Variants in ADAM19 observed in about 807,000 individuals in gnomAD.
ADAM19 encodes the protein disintegrin and metalloproteinase domain-containing protein 19.
In ADAM19, 65 loss-of-function variants were observed where a neutral mutation model predicts 114.7. The observed-to-expected ratio is 0.57, with a 90% CI of 0.46 to 0.70. The LOEUF is 0.70. ADAM19 is among the 30% of genes least tolerant of loss of function. ADAM19 has a pLI of 0.00. For missense variants in ADAM19, 1,063 were observed against 1,204.7 expected, an observed-to-expected ratio of 0.88 and a Z score of 1.74; for synonymous variants, 466 against 460.5, an observed-to-expected ratio of 1.01 and a Z score of -0.15.
At chr5:157,544,151 C>G (rs1165537654) in intron 3 of ADAM19, among the ~76,000 whole-genome samples, 1 of 152,156 alleles carries the variant, frequency 6.6e-6, no homozygotes, top group African/African-American at 2.4e-5. Flanking sequence ...TTGGAGGTTG[C>G]TCCTAGAGTA....
At chr5:157,488,565 C>T in intron 20 of ADAM19, 76 bp from the exon 21 acceptor site, 7 of 1,224,474 alleles carry the variant, frequency 5.7e-6, no homozygotes, top group Non-Finnish European at 7.9e-6. Flanking sequence ...TTGAGATAAA[C>T]CAGAGCCCAA....
At chr5:157,539,146 T>C (rs1756846150) in intron 3 of ADAM19, among the ~76,000 whole-genome samples, 1 of 141,406 alleles carries the variant, frequency 7.1e-6, no homozygotes, top group East Asian at 2.0e-4. Flanking sequence ...AGAGCGAGAC[T>C]CTGTCTCAAA....
chr5:157,479,287 A>C lies in ADAM19; in HGVS notation c.*1662T>G. 1.0e-6 allele frequency: 1 copy of C among 985,944 alleles called. No homozygotes were observed. Among genetic ancestry groups the C allele is most frequent in the Non-Finnish European group, 1.2e-6 (1 of 829,986 alleles). 61.1% of individuals were successfully genotyped at this position (985,944 alleles called of 1,614,324 possible). ...TTTCCAAACCCAAGAACATCCAAGA[A>C]GCACCTATTGTGTGCAGAGAACTAT... is the stretch of plus-strand genomic sequence containing the variant. On this transcript the variant is annotated 3_prime_UTR_variant, in exon 23 of 23. Transcript: ENST00000257527.
At chr5:157,565,275 A>G (rs1036346642) in intron 2 of ADAM19, among the ~76,000 whole-genome samples, 2 of 152,196 alleles carry the variant, frequency 1.3e-5, no homozygotes, top group Non-Finnish European at 2.9e-5. Flanking sequence ...ACCTTGAAAA[A>G]AATCAAAGTG....
intron 7 of ADAM19, among the ~76,000 whole-genome samples, chr5:157,514,095 C>T (rs1332226294): frequency 1.3e-5 from 2 of 152,166 alleles, no homozygotes; most frequent in Non-Finnish European, 2.9e-5. Flanking sequence ...GAGTGACAGA[C>T]CCTGTACTTA....
chr5:157,531,472 C>T (rs1035638781), intron 4 of ADAM19, among the ~76,000 whole-genome samples: 2 of 151,978 alleles, frequency 1.3e-5, no homozygotes, highest in African/African-American at 4.8e-5. Flanking sequence ...TTCCAGACCG[C>T]CCTGGCCAAC....
intron 19 of ADAM19, 58 bp from the exon 20 acceptor site, chr5:157,489,244 G>C: frequency 7.8e-7 from 1 of 1,284,794 alleles, no homozygotes; most frequent in Non-Finnish European, 1.1e-6. Flanking sequence ...AGGGGACAGT[G>C]CCTGAGTTCC....
chr5:157,517,669 G>A (rs756724442), intron 7 of ADAM19, among the ~76,000 whole-genome samples: 3 of 152,162 alleles, frequency 2.0e-5, no homozygotes, highest in African/African-American at 4.8e-5. Flanking sequence ...CAAACTCTGC[G>A]ATGCCTGGGG....
At chr5:157,504,992 G>A (rs929994796) in intron 11 of ADAM19, among the ~76,000 whole-genome samples, 6 of 151,732 alleles carry the variant, frequency 4.0e-5, no homozygotes, top group African/African-American at 9.7e-5. Flanking sequence ...GGTGGCAGGC[G>A]CCTGTATTCC....
intron 9 of ADAM19, among the ~76,000 whole-genome samples, chr5:157,508,734 G>A (rs1755822854): frequency 6.6e-6 from 1 of 152,104 alleles, no homozygotes; most frequent in African/African-American, 2.4e-5. Flanking sequence ...TGTCACATGT[G>A]ACCCCCATCA....
In ADAM19 at chr5:157,481,007, GA is replaced by G. The variant is rs1167883202; in HGVS notation, c.2704-6del. 6.2e-7 allele frequency: 1 copy of G among 1,613,984 alleles called. No homozygotes were observed. Among genetic ancestry groups the G allele is most frequent in the African/African-American group, 1.3e-5 (1 of 74,896 alleles). On this transcript the variant is annotated splice_region_variant and splice_polypyrimidine_tract_variant and intron_variant, in intron 22 of 22. Transcript: ENST00000257527. ...CTGTGATCTGTATTCTGGAAACTGG[GA>G]AGAAAAAGAAGGGAGGGAGAGAGAC...
In ADAM19 at chr5:157,489,206, G is replaced by A; in HGVS notation, c.2241-20C>T. 2.5e-6 allele frequency: 4 copies of A among 1,588,282 alleles called. No homozygotes were observed. Among genetic ancestry groups the A allele is most frequent in the Non-Finnish European group, 2.6e-6 (3 of 1,156,844 alleles). On this transcript the variant is annotated intron_variant, in intron 19 of 22. Coordinates refer to ENST00000257527, the MANE Select transcript of ADAM19 (RefSeq NM_033274.5). ...GGACAACTAGAAACAAGAAATGGGG[G>A]AGGAAAAGAAAGGGGACGATGTTCA...
At chr5:157,506,095 G>T (rs1210926215) in intron 10 of ADAM19, among the ~76,000 whole-genome samples, 3 of 152,114 alleles carry the variant, frequency 2.0e-5, no homozygotes, top group African/African-American at 7.2e-5. Flanking sequence ...AAATAAAAGA[G>T]GAAGATTTTT....
At chr5:157,518,544 C>G (rs1349617150) in intron 7 of ADAM19, among the ~76,000 whole-genome samples, 3 of 152,164 alleles carry the variant, frequency 2.0e-5, no homozygotes, top group Non-Finnish European at 4.4e-5. Flanking sequence ...GCCACCATGC[C>G]CAGCTAATTT....
At chr5:157,486,721 C>T (rs1357929219) in intron 21 of ADAM19, among the ~76,000 whole-genome samples, 2 of 151,794 alleles carry the variant, frequency 1.3e-5, no homozygotes, top group South Asian at 2.1e-4. Context: ...TCCTGTAACC[C>T]CAAGTCTCTA....
At chr5:157,525,400 C>T (rs7721142) in intron 5 of ADAM19, among the ~76,000 whole-genome samples, 1 of 151,952 alleles carries the variant, frequency 6.6e-6, no homozygotes, top group Non-Finnish European at 1.5e-5. Context: ...ACTTCCAACA[C>T]AGAAGGAAGC....
At position 157,481,241 on chromosome 5, in the gene ADAM19, AAGGCAGCAGCAC is replaced by A. The variant is rs1210838269; in HGVS notation, c.2704-251_2704-240del. 4.9e-6 allele frequency: 3 copies of A among 606,750 alleles called. No homozygotes were observed. In the African/African-American group the frequency reaches 5.6e-5, roughly 11 times the overall value. 37.6% of individuals were successfully genotyped at this position (606,750 alleles called of 1,614,324 possible). ...ACCCCTCCCTCTTCCCTTCCCTGCT[AAGGCAGCAGCAC>A]AGTCCATAGTTTTCTCAATGCCTCG... On this transcript the variant is annotated intron_variant, in intron 22 of 22. Coordinates refer to ENST00000257527, the MANE Select transcript of ADAM19 (RefSeq NM_033274.5).
chr5:157,506,710 A>T (rs1755751980), intron 10 of ADAM19, among the ~76,000 whole-genome samples: 1 of 152,224 alleles, frequency 6.6e-6, no homozygotes. Flanking sequence ...TCTTAATGAC[A>T]TATATAACAG....
chr5:157,479,590 G>A lies in ADAM19; in HGVS notation c.*1359C>T, dbSNP rs959369077. ...TGCTGCAGGGAAGACAGGAGCCACCGCAGACCCCCTCACCTGCTCAGAGCT... is the reference window on the plus strand; with the variant it reads ...TGCTGCAGGGAAGACAGGAGCCACCACAGACCCCCTCACCTGCTCAGAGCT... On this transcript the variant is annotated 3_prime_UTR_variant, in exon 23 of 23. Transcript: ENST00000257527. 7 of 985,738 alleles carry A rather than the reference G, an allele frequency of 7.1e-6. No individual in the cohort carries two copies. The highest frequency in any genetic ancestry group is 1.1e-4 in the East Asian group (1 of 8,800). 61.1% of individuals were successfully genotyped at this position (985,738 alleles called of 1,614,324 possible).
Sources: gnomAD v4.1 joint callset for allele counts (sites outside exome capture counted in the v4.1 genomes callset) on GRCh38, gnomAD v4.1.1 for gene constraint, MANE v1.5 for transcripts, NCBI Gene and HGNC (gene_info 2026-07-23, HGNC 2026-07-21) for gene names.